PRKG1: variants seen among roughly 807,000 people sequenced by gnomAD.
The protein encoded by PRKG1 is protein kinase cGMP-dependent 1.
PRKG1 carries 35 observed loss-of-function variants against 88.1 expected under a neutral mutation model. The observed-to-expected ratio is 0.40, with a 90% CI of 0.30 to 0.53. PRKG1 has a LOEUF of 0.53. PRKG1 is among the 20% of genes least tolerant of loss of function. The pLI is 0.59. For synonymous variants in PRKG1, 303 were observed against 292.5 expected, an observed-to-expected ratio of 1.04 and a Z score of -0.37; for missense variants, 540 against 839.8, an observed-to-expected ratio of 0.64 and a Z score of 4.41.
At chr10:51,899,671 G>GTATATATATATATATGTA (rs369102558) in intron 4 of PRKG1, among the ~76,000 whole-genome samples, 2 of 120,408 alleles carry the variant, frequency 1.7e-5, no homozygotes, top group African/African-American at 3.0e-5. Context: ...AAAGAAAAAT[G>GTATATATATATATATGTA]TATATATATA....
intron 3 of PRKG1, among the ~76,000 whole-genome samples, chr10:51,565,150 C>A (rs530776786): frequency 7.9e-5 from 12 of 152,042 alleles, no homozygotes; most frequent in African/African-American, 2.2e-4. Flanking sequence ...TTCTTTGAAA[C>A]AATAGTCTAC....
At chr10:51,409,505 A>G (rs932182610) in intron 2 of PRKG1, among the ~76,000 whole-genome samples, 4 of 152,126 alleles carry the variant, frequency 2.6e-5, no homozygotes, top group Non-Finnish European at 4.4e-5. Flanking sequence ...TTGATGACCC[A>G]TAGTCTAACA....
Position 51,468,713 on chromosome 10 carries a change from T to TA in PRKG1, c.592+885dup, listed in dbSNP as rs932927558. Among the ~76,000 whole-genome samples, 7 of 151,630 alleles carry TA rather than the reference T, an allele frequency of 4.6e-5. No homozygotes were observed. In the South Asian group the frequency reaches 6.2e-4, roughly 14 times the overall value. On this transcript the variant is annotated intron_variant, in intron 3 of 17. Transcript: ENST00000373980. ...ATTACTTTGATTAGGTTTTGTCATTTAAAAAAAATGCTATTGGCAAAATGA... is the reference window on the plus strand; with the variant it reads ...ATTACTTTGATTAGGTTTTGTCATTTAAAAAAAAATGCTATTGGCAAAATGA...
At chr10:51,333,797 A>G (rs10996926) in intron 2 of PRKG1, among the ~76,000 whole-genome samples, 13,683 of 152,248 alleles carry the variant, frequency 0.09, 743 homozygotes, top group Non-Finnish European at 0.13. Context: ...AGCCAGTTCT[A>G]TCAGGTGGTC....
At chr10:52,063,577 T>A (rs1846288207) in intron 7 of PRKG1, among the ~76,000 whole-genome samples, 1 of 152,266 alleles carries the variant, frequency 6.6e-6, no homozygotes, top group South Asian at 2.1e-4. Flanking sequence ...GGTTCCCGAT[T>A]TCTTGACCTG....
chr10:51,108,133 A>G (rs1021868918), intron 1 of PRKG1, among the ~76,000 whole-genome samples: 13 of 152,140 alleles, frequency 8.5e-5, no homozygotes, highest in African/African-American at 2.9e-4. Context: ...AAAGAAAACT[A>G]TTGATCCAGA....
At chr10:51,716,120 C>A (rs1322075164) in intron 3 of PRKG1, among the ~76,000 whole-genome samples, 1 of 152,212 alleles carries the variant, frequency 6.6e-6, no homozygotes, top group Admixed American at 6.5e-5. Context: ...ACACTTCATT[C>A]TTTCTTTCTA....
At chr10:51,778,995 T>A (rs1838514916) in intron 3 of PRKG1, among the ~76,000 whole-genome samples, 1 of 152,140 alleles carries the variant, frequency 6.6e-6, no homozygotes, top group African/African-American at 2.4e-5. Context: ...GGAAAAGAGG[T>A]ATTCGGGTTT....
At chr10:52,134,550 G>T (rs1837353501) in intron 8 of PRKG1, among the ~76,000 whole-genome samples, 1 of 152,136 alleles carries the variant, frequency 6.6e-6, no homozygotes, top group Admixed American at 6.6e-5. Flanking sequence ...TTCTCCAAGA[G>T]CATGGTTAAA....
chr10:51,748,083 A>G (rs556968048), intron 3 of PRKG1, among the ~76,000 whole-genome samples: 2 of 152,286 alleles, frequency 1.3e-5, no homozygotes, highest in South Asian at 4.1e-4. Context: ...CCAAGTATAT[A>G]TTTTGTCTCT....
chr10:51,465,947 A>G (rs1839894754), intron 2 of PRKG1, among the ~76,000 whole-genome samples: 1 of 152,202 alleles, frequency 6.6e-6, no homozygotes, highest in African/African-American at 2.4e-5. Context: ...CTTAATTTTG[A>G]CAATCATCCA....
intron 9 of PRKG1, among the ~76,000 whole-genome samples, chr10:52,216,615 A>G (rs750262074): frequency 6.6e-6 from 1 of 152,168 alleles, no homozygotes; most frequent in Non-Finnish European, 1.5e-5. Flanking sequence ...TCTGCAGAGC[A>G]TTGTAGATAG....
At chr10:52,288,519 A>G (rs890234238) in intron 14 of PRKG1, among the ~76,000 whole-genome samples, 1 of 152,150 alleles carries the variant, frequency 6.6e-6, no homozygotes, top group Non-Finnish European at 1.5e-5. Context: ...AAGAGCAGAT[A>G]AACTTGACCC....
intron 7 of PRKG1, among the ~76,000 whole-genome samples, chr10:52,116,695 G>C (rs983670634): frequency 1.3e-5 from 2 of 152,086 alleles, no homozygotes; most frequent in Admixed American, 1.3e-4. Context: ...GATTAGACAT[G>C]ATGTAATAAT....
intron 1 of PRKG1, among the ~76,000 whole-genome samples, chr10:51,100,919 T>A (rs1844663856): frequency 6.6e-6 from 1 of 152,186 alleles, no homozygotes; most frequent in Non-Finnish European, 1.5e-5. Context: ...TGATTCTGAG[T>A]CTATTTACTC....
chr10:51,347,060 G>A (rs1229302974), intron 2 of PRKG1, among the ~76,000 whole-genome samples: 1 of 151,900 alleles, frequency 6.6e-6, no homozygotes, highest in South Asian at 2.1e-4. Context: ...GGTTATTTTC[G>A]TGGCCACAGA....
intron 7 of PRKG1, among the ~76,000 whole-genome samples, chr10:52,066,073 C>A (rs1009023300): frequency 6.6e-6 from 1 of 152,160 alleles, no homozygotes; most frequent in African/African-American, 2.4e-5. Flanking sequence ...CGCTATGGAA[C>A]CTGGTTTTAT....
At position 52,234,296 on chromosome 10, in the gene PRKG1, C is replaced by T. The variant is rs370337030; in HGVS notation, c.1077-17274C>T. Among the ~76,000 whole-genome samples the T allele has an allele frequency of 5.3e-5, 8 of 152,180 alleles. No individual in the cohort carries two copies. In the East Asian group the frequency reaches 5.8e-4, roughly 11 times the overall value. ...AAGGAACGCAGTTCCTCACCAGCAA[C>T]GGAACAAAGCTGGATGGAGAATGAC... On this transcript the variant is annotated intron_variant, in intron 9 of 17. Transcript: ENST00000373980.
chr10:52,091,817 C>T (rs570563786), intron 7 of PRKG1, among the ~76,000 whole-genome samples: 6 of 152,240 alleles, frequency 3.9e-5, no homozygotes, highest in Admixed American at 6.5e-5. Flanking sequence ...AGGAAAGTAA[C>T]GAAGGAGCAA....
Sources: gnomAD v4.1 joint callset for allele counts (sites outside exome capture counted in the v4.1 genomes callset) on GRCh38, gnomAD v4.1.1 for gene constraint, MANE v1.5 for transcripts, NCBI Gene and HGNC (gene_info 2026-07-23, HGNC 2026-07-21) for gene names.